ZFAT: variants seen among roughly 807,000 people sequenced by gnomAD.
The protein encoded by ZFAT is zinc finger protein ZFAT.
Under a neutral mutation model 117.7 loss-of-function variants are expected in ZFAT, and 64 were observed. That is an observed-to-expected ratio of 0.54 (90% CI 0.44 to 0.67). The LOEUF (loss-of-function observed/expected upper bound fraction) is 0.67. Among genes scored for constraint, ZFAT ranks in the 30% least tolerant of loss-of-function variants. The pLI is 0.00. For synonymous variants in ZFAT, 679 were observed against 615.0 expected, an observed-to-expected ratio of 1.10 and a Z score of -1.54; for missense variants, 1,433 against 1,584.5, an observed-to-expected ratio of 0.90 and a Z score of 1.62.
At position 134,655,943 on chromosome 8, in the gene ZFAT, G is replaced by A. The variant is rs576250502; in HGVS notation, c.196+1618C>T. On this transcript the variant is annotated intron_variant, in intron 2 of 15. Coordinates refer to ENST00000377838, the MANE Select transcript of ZFAT (RefSeq NM_020863.4). ...GTGGCGGGCACCTGTAGTCACAGCT[G>A]CTCAGGTGGCTGAGGTGAGAGGAAT... 2.3e-3 allele frequency among the ~76,000 whole-genome samples: 353 copies of A among 151,042 alleles called. 1 individual carries two copies. The highest frequency in any genetic ancestry group is 8.2e-3 in the African/African-American group (338 of 41,190).
At chr8:134,525,257 C>T (rs1366685838) in intron 12 of ZFAT, among the ~76,000 whole-genome samples, 1 of 152,198 alleles carries the variant, frequency 6.6e-6, no homozygotes, top group African/African-American at 2.4e-5. Context: ...TAAAGCCTCA[C>T]AAACAGTCCC....
intron 11 of ZFAT, among the ~76,000 whole-genome samples, chr8:134,541,018 C>T (rs1451591711): frequency 6.6e-6 from 1 of 152,160 alleles, no homozygotes; most frequent in Non-Finnish European, 1.5e-5. Context: ...CTCGTAGGCC[C>T]AGCAGGACTC....
the ZFAT span, among the ~76,000 whole-genome samples, chr8:134,805,854 T>C: frequency 6.6e-6 from 1 of 151,960 alleles, no homozygotes; most frequent in Non-Finnish European, 1.5e-5. Flanking sequence ...TGGTGGTGCA[T>C]GCGGTCCCAG....
chr8:134,701,653 C>T (rs1834010454), intron 1 of ZFAT, among the ~76,000 whole-genome samples: 1 of 152,210 alleles, frequency 6.6e-6, no homozygotes, highest in African/African-American at 2.4e-5. Context: ...TCTAATTTCT[C>T]CCATCCTCAA....
chr8:134,719,839 A>T, the ZFAT span, among the ~76,000 whole-genome samples: 1 of 152,308 alleles, frequency 6.6e-6, no homozygotes, highest in African/African-American at 2.4e-5. Flanking sequence ...TCACTCTTTC[A>T]GCCGTTTTTG....
chr8:134,483,558 T>C (rs989610904), intron 15 of ZFAT, among the ~76,000 whole-genome samples: 2 of 152,232 alleles, frequency 1.3e-5, no homozygotes, highest in African/African-American at 4.8e-5. Flanking sequence ...CTTAAAATTG[T>C]TCTTCACCAC....
chr8:134,671,259 C>T (rs1195874663), intron 1 of ZFAT, among the ~76,000 whole-genome samples: 1 of 152,146 alleles, frequency 6.6e-6, no homozygotes. Context: ...TTTATGAGGC[C>T]AGCATCGTCC....
At chr8:134,566,561 G>T (rs60981838) in intron 10 of ZFAT, among the ~76,000 whole-genome samples, 3,555 of 152,248 alleles carry the variant, frequency 0.023, 162 homozygotes, top group African/African-American at 0.082. Context: ...AAATGTAAAT[G>T]TGGCCTACTT....
At chr8:134,753,440 G>T in the ZFAT span, among the ~76,000 whole-genome samples, 1 of 152,134 alleles carries the variant, frequency 6.6e-6, no homozygotes, top group Non-Finnish European at 1.5e-5. Context: ...TGACACACTC[G>T]CACATGACTG....
rs1055271457 is a variant in ZFAT, at chr8:134,603,051, C to A, written c.786-118G>T. On this transcript the variant is annotated intron_variant, in intron 5 of 15. Transcript: ENST00000377838. Reference sequence around the variant, plus strand: ...AAAAGTGAACAAAACTGGACAGACGCTGGATGGGTGCAGTCACTCACTCAA... The same window carrying A: ...AAAAGTGAACAAAACTGGACAGACGATGGATGGGTGCAGTCACTCACTCAA... 27 of 1,378,646 alleles carry A rather than the reference C, an allele frequency of 2.0e-5. No homozygotes were observed. The African/African-American group carries it at 3.9e-4, about 20-fold the overall frequency. The allele number at this position is 1,378,646 out of a possible 1,614,324, so 85.4% of individuals were successfully genotyped here.
chr8:134,556,419 G>C (rs966603143), intron 11 of ZFAT, among the ~76,000 whole-genome samples: 1 of 151,952 alleles, frequency 6.6e-6, no homozygotes, highest in African/African-American at 2.4e-5. Flanking sequence ...GGAAGAAAGA[G>C]ATAATGGTTG....
the ZFAT span, chr8:134,804,917 A>G: frequency 3.7e-6 from 2 of 534,326 alleles, no homozygotes; most frequent in East Asian, 1.1e-4. Flanking sequence ...TGTGTCTTAC[A>G]GCTTCCAGTC....
At chr8:134,616,956 G>C (rs1381312461) in intron 3 of ZFAT, among the ~76,000 whole-genome samples, 5 of 152,160 alleles carry the variant, frequency 3.3e-5, no homozygotes, top group African/African-American at 1.2e-4. Flanking sequence ...CAATTACGGG[G>C]AAAACCCCAG....
chr8:134,677,674 G>A (rs564303408), intron 1 of ZFAT, among the ~76,000 whole-genome samples: 1 of 152,302 alleles, frequency 6.6e-6, no homozygotes, highest in African/African-American at 2.4e-5. Flanking sequence ...CCAATATCCT[G>A]ATGAACATCA....
intron 10 of ZFAT, among the ~76,000 whole-genome samples, chr8:134,581,996 A>T (rs547817677): frequency 6.6e-6 from 1 of 151,820 alleles, no homozygotes; most frequent in African/African-American, 2.4e-5. Flanking sequence ...AAAGAGAAAC[A>T]ATACAAATTC....
the ZFAT span, among the ~76,000 whole-genome samples, chr8:134,810,819 T>C: frequency 6.6e-6 from 1 of 152,314 alleles, no homozygotes; most frequent in East Asian, 1.9e-4. Flanking sequence ...AGCCACACTT[T>C]TTTGAAAACC....
At chr8:134,666,202 C>T (rs1468341795) in intron 1 of ZFAT, among the ~76,000 whole-genome samples, 3 of 152,190 alleles carry the variant, frequency 2.0e-5, no homozygotes, top group Admixed American at 1.3e-4. Context: ...CACCCCCATC[C>T]ACCAGTAATG....
At chr8:134,722,654 G>A in the ZFAT span, among the ~76,000 whole-genome samples, 5 of 152,196 alleles carry the variant, frequency 3.3e-5, no homozygotes, top group Non-Finnish European at 5.9e-5. Flanking sequence ...GAGGAGGGGA[G>A]GGAGTTGTCT....
chr8:134,540,444 C>T (rs1822168478), intron 11 of ZFAT, among the ~76,000 whole-genome samples: 1 of 152,174 alleles, frequency 6.6e-6, no homozygotes, highest in Non-Finnish European at 1.5e-5. Context: ...TGGTGGGTGT[C>T]CTCCCAATTT....
Sources: allele counts gnomAD v4.1 joint callset (sites outside exome capture counted in the v4.1 genomes callset), GRCh38; gene constraint gnomAD v4.1.1; transcripts MANE v1.5; gene names NCBI Gene and HGNC (gene_info 2026-07-23, HGNC 2026-07-21).